Variants in GALNT16 observed in about 807,000 individuals in gnomAD.
GALNT16 encodes the protein UDP-GalNAc:polypeptide N-acetylgalactosaminyltransferase-like protein 1.
Under a neutral mutation model 76.1 loss-of-function variants are expected in GALNT16, and 40 were observed. The ratio of observed to expected loss-of-function variants is 0.53; its 90% CI spans 0.41 to 0.68. The LOEUF is 0.68. Among genes scored for constraint, GALNT16 ranks in the 30% least tolerant of loss-of-function variants. GALNT16 has a pLI of 0.00. For synonymous variants in GALNT16, 276 were observed against 285.2 expected (o/e 0.97, Z 0.32); for missense variants, 621 against 731.9 (o/e 0.85, Z 1.75).
chr14:69,325,939 T>C, intron 4 of GALNT16, 23 bp from the exon 5 acceptor site: 1 of 1,605,792 alleles, frequency 6.2e-7, no homozygotes, highest in Non-Finnish European at 8.5e-7. Flanking sequence ...TAAATGAGCT[T>C]GCCTTCCTCT....
chr14:69,338,787 C>T lies in GALNT16; in HGVS notation c.1094+10C>T, dbSNP rs886394592. On this transcript the variant is annotated intron_variant, in intron 10 of 14. Coordinates refer to ENST00000448469, the MANE Select transcript of GALNT16 (RefSeq NM_001168368.2). ...CCCTCACCTACATCAGGTAGGTCAC[C>T]GAGAAAGGAGCACGGGACTCAGAGG... 1.0e-5 allele frequency: 16 copies of T among 1,606,132 alleles called. No individual in the cohort carries two copies. The highest frequency in any genetic ancestry group is 2.7e-5 in the African/African-American group (2 of 74,716).
chr14:69,289,244 A>G (rs2044658713), intron 1 of GALNT16, among the ~76,000 whole-genome samples: 1 of 152,124 alleles, frequency 6.6e-6, no homozygotes. Flanking sequence ...GAGAGTCTTG[A>G]GAGTGGCTGA....
Position 69,328,459 on chromosome 14 carries a change from G to A in GALNT16, c.578G>A (p.Arg193Gln), listed in dbSNP as rs1355227416. The stretch of plus-strand genomic sequence containing the variant: ...TCTACTCCTCTTGTAGGGCTGATCC[G>A]GTCCCGAGTGCGTGGGGCGGACGTG... ...LRNDRREGLI[R>Q]SRVRGADVAA... Residue 193 changes from arginine to glutamine, a missense_variant, in exon 6 of 15, where the codon CGG (arginine) becomes CAG (glutamine). Physicochemically the swap from Arg to Gln is conservative, Grantham distance 43 (BLOSUM62 1). Coordinates refer to ENST00000448469, the MANE Select transcript of GALNT16 (RefSeq NM_001168368.2). The A allele has an allele frequency of 6.8e-6, 11 of 1,614,002 alleles. No individual in the cohort carries two copies. Among genetic ancestry groups the A allele is most frequent in the South Asian group, 2.2e-5 (2 of 91,066 alleles).
At chr14:69,373,485 T>C in the GALNT16 span, among the ~76,000 whole-genome samples, 1 of 152,222 alleles carries the variant, frequency 6.6e-6, no homozygotes, top group Non-Finnish European at 1.5e-5. Flanking sequence ...AACCAACCTT[T>C]TCACAGTATG....
rs985939940 is a variant in GALNT16 at position 69,289,030 on chromosome 14, C to A, written c.177+28563C>A. Among the ~76,000 whole-genome samples, 9 of 152,130 alleles carry A rather than the reference C, an allele frequency of 5.9e-5. No individual in the cohort carries two copies. The South Asian group carries it at 1.0e-3, about 18-fold the overall frequency. ...GTAGCTAGGACTATAGGCACACACC[C>A]CCATGCCTGGCTAATTTTTAAATTT... On this transcript the variant is annotated intron_variant, in intron 1 of 14. Transcript: ENST00000448469.
At position 69,341,666 on chromosome 14, in the gene GALNT16, T is replaced by A; in HGVS notation, c.1188-15T>A. ...CACTGGCAGGCCAAAGCCCAAGCCC[T>A]GCCTCCTCCTACAGTGTGGCTACGC... is the stretch of plus-strand genomic sequence containing the variant. On this transcript the variant is annotated splice_polypyrimidine_tract_variant and intron_variant, in intron 11 of 14. Coordinates refer to ENST00000448469, the MANE Select transcript of GALNT16 (RefSeq NM_001168368.2). The A allele has an allele frequency of 6.3e-7, 1 of 1,595,276 alleles. No homozygotes were observed.
At chr14:69,300,531 G>T (rs566882014) in intron 1 of GALNT16, among the ~76,000 whole-genome samples, 1 of 152,326 alleles carries the variant, frequency 6.6e-6, no homozygotes, top group South Asian at 2.1e-4. Flanking sequence ...GGTCTGGGGT[G>T]ATGTTTGAAG....
At chr14:69,313,129 T>A (rs1375969279) in intron 1 of GALNT16, among the ~76,000 whole-genome samples, 1 of 152,200 alleles carries the variant, frequency 6.6e-6, no homozygotes, top group Non-Finnish European at 1.5e-5. Context: ...AGACCCTCAA[T>A]GAGCCGTCAG....
Position 69,264,375 on chromosome 14 carries a change from C to G in GALNT16, c.177+3908C>G, listed in dbSNP as rs1046943045. On this transcript the variant is annotated intron_variant, in intron 1 of 14. Transcript: ENST00000448469. ...TGATCCTGAGATAAGCAGATGATAG[C>G]TCCATTTCTAGATGTAAATACATGG... Among the ~76,000 whole-genome samples the G allele has an allele frequency of 1.6e-4, 24 of 152,262 alleles. 2 individuals carry two copies. Among genetic ancestry groups the G allele is most frequent in the Admixed American group, 1.4e-3 (22 of 15,294 alleles).
At chr14:69,270,478 T>C (rs2044393731) in intron 1 of GALNT16, among the ~76,000 whole-genome samples, 1 of 152,224 alleles carries the variant, frequency 6.6e-6, no homozygotes, top group Admixed American at 6.5e-5. Flanking sequence ...GAGATGCTTC[T>C]TGTCAAAGTT....
the GALNT16 span, among the ~76,000 whole-genome samples, chr14:69,379,797 C>T: frequency 6.6e-6 from 1 of 152,204 alleles, no homozygotes; most frequent in African/African-American, 2.4e-5. Context: ...CAAAGACCTC[C>T]TAGAAAGAGT....
At chr14:69,379,004 G>C in the GALNT16 span, among the ~76,000 whole-genome samples, 1 of 151,970 alleles carries the variant, frequency 6.6e-6, no homozygotes, top group African/African-American at 2.4e-5. Context: ...TGCAATCTCG[G>C]CTCACTCACT....
At chr14:69,330,953 C>T (rs1056804104) in intron 6 of GALNT16, among the ~76,000 whole-genome samples, 2 of 152,186 alleles carry the variant, frequency 1.3e-5, no homozygotes, top group African/African-American at 4.8e-5. Flanking sequence ...ACCCAGATTA[C>T]ATGGGGACCT....
intron 1 of GALNT16, among the ~76,000 whole-genome samples, chr14:69,272,658 G>A (rs939464117): frequency 6.6e-6 from 1 of 152,134 alleles, no homozygotes; most frequent in African/African-American, 2.4e-5. Flanking sequence ...CGCACTCACT[G>A]ACTCACCCAG....
the GALNT16 span, among the ~76,000 whole-genome samples, chr14:69,383,650 G>A: frequency 6.6e-6 from 1 of 152,110 alleles, no homozygotes; most frequent in African/African-American, 2.4e-5. Context: ...TTCAAGCTAT[G>A]ATAATTTACG....
the GALNT16 span, among the ~76,000 whole-genome samples, chr14:69,368,024 A>T: frequency 6.6e-6 from 1 of 152,092 alleles, no homozygotes; most frequent in Non-Finnish European, 1.5e-5. Flanking sequence ...AAGAAAAGAG[A>T]AAGAATGGCA....
chr14:69,284,636 A>G (rs976928687), intron 1 of GALNT16, among the ~76,000 whole-genome samples: 75 of 152,172 alleles, frequency 4.9e-4, no homozygotes, highest in Non-Finnish European at 8.5e-4. Context: ...CTGGTTCCAC[A>G]ACTTACTAGC....
chr14:69,359,556 T>C (rs775902987), downstream of GALNT16, among the ~76,000 whole-genome samples: 2 of 152,162 alleles, frequency 1.3e-5, no homozygotes, highest in Non-Finnish European at 2.9e-5. Context: ...TTAGTAAGGC[T>C]ACCATATGCA....
intron 12 of GALNT16, among the ~76,000 whole-genome samples, chr14:69,345,258 T>G (rs954607521): frequency 6.6e-6 from 1 of 152,194 alleles, no homozygotes; most frequent in Non-Finnish European, 1.5e-5. Flanking sequence ...AGATTCAGCT[T>G]GGCAGCCAGC....
Sources: allele counts gnomAD v4.1 joint callset (sites outside exome capture counted in the v4.1 genomes callset), GRCh38; gene constraint gnomAD v4.1.1; transcripts MANE v1.5; gene names NCBI Gene and HGNC (gene_info 2026-07-23, HGNC 2026-07-21).